Variants in CTNND2 observed in about 807,000 individuals in gnomAD.
CTNND2 encodes catenin delta-2.
In CTNND2, 22 loss-of-function variants were observed where a neutral mutation model predicts 144.4. The observed-to-expected ratio is 0.15, with a 90% CI of 0.11 to 0.22. The LOEUF is 0.22. Among genes scored for constraint, CTNND2 ranks in the 10% least tolerant of loss-of-function variants. The probability of loss-of-function intolerance (pLI) is 1.00; values close to 1 mark genes in which losing one functional copy is unlikely to be tolerated. For synonymous variants in CTNND2, 751 were observed against 695.6 expected (o/e 1.08, Z -1.25); for missense variants, 1,353 against 1,618.8 (o/e 0.84, Z 2.82).
At chr5:11,033,160 A>G (rs562521697) in intron 16 of CTNND2, among the ~76,000 whole-genome samples, 1 of 152,362 alleles carries the variant, frequency 6.6e-6, no homozygotes, top group African/African-American at 2.4e-5. Context: ...AAATATGCCA[A>G]TAAACATGTG....
At chr5:11,824,958 G>C (rs1793522631) in intron 1 of CTNND2, among the ~76,000 whole-genome samples, 1 of 151,536 alleles carries the variant, frequency 6.6e-6, no homozygotes, top group South Asian at 2.1e-4. Context: ...GTGAACTGAG[G>C]ATAATACTAG....
At chr5:11,531,519 A>G (rs944450452) in intron 3 of CTNND2, among the ~76,000 whole-genome samples, 1 of 152,112 alleles carries the variant, frequency 6.6e-6, no homozygotes, top group East Asian at 1.9e-4. Context: ...CCAGCTACCC[A>G]GGAGGCTGAG....
intron 9 of CTNND2, among the ~76,000 whole-genome samples, chr5:11,258,369 C>A (rs1744499248): frequency 6.6e-6 from 1 of 152,160 alleles, no homozygotes; most frequent in Non-Finnish European, 1.5e-5. Flanking sequence ...TCCATCTGGT[C>A]ATCTAAAAAT....
At chr5:11,606,603 C>A (rs541521098) in intron 2 of CTNND2, among the ~76,000 whole-genome samples, 5 of 152,262 alleles carry the variant, frequency 3.3e-5, no homozygotes, top group African/African-American at 1.2e-4. Context: ...ATTCATCCAG[C>A]TGGAGGTGAC....
intron 18 of CTNND2, among the ~76,000 whole-genome samples, chr5:11,001,288 C>G (rs1479845222): frequency 6.6e-6 from 1 of 152,146 alleles, no homozygotes; most frequent in Non-Finnish European, 1.5e-5. Context: ...ATTACTATTG[C>G]CAAATAAATT....
chr5:11,817,466 C>T (rs1412269097), intron 1 of CTNND2, among the ~76,000 whole-genome samples: 1 of 89,926 alleles, frequency 1.1e-5, no homozygotes, highest in African/African-American at 4.5e-5. Flanking sequence ...AGAGAGAGAA[C>T]TAGCGCTGGA....
intron 18 of CTNND2, among the ~76,000 whole-genome samples, chr5:10,998,793 A>G (rs956183482): frequency 5.3e-5 from 8 of 152,252 alleles, no homozygotes; most frequent in Non-Finnish European, 1.2e-4. Flanking sequence ...TTGTATTAAC[A>G]TTACATATTA....
intron 15 of CTNND2, among the ~76,000 whole-genome samples, chr5:11,087,695 CA>C (rs777457718): frequency 1.5e-5 from 1 of 65,870 alleles, no homozygotes; most frequent in Non-Finnish European, 3.7e-5. Context: ...AGAAATAAAT[CA>C]ATTTAATAAG....
chr5:11,176,866 G>T (rs1760528311), intron 11 of CTNND2, among the ~76,000 whole-genome samples: 1 of 152,060 alleles, frequency 6.6e-6, no homozygotes, highest in Non-Finnish European at 1.5e-5. Flanking sequence ...CTGCAGGAGG[G>T]ATTCATGGCA....
At chr5:11,795,996 T>C (rs1791379159) in intron 1 of CTNND2, among the ~76,000 whole-genome samples, 1 of 152,224 alleles carries the variant, frequency 6.6e-6, no homozygotes, top group Admixed American at 6.5e-5. Flanking sequence ...AGAGGCCACC[T>C]GTATTCCTTG....
At chr5:11,305,801 T>C (rs1750130358) in intron 9 of CTNND2, among the ~76,000 whole-genome samples, 1 of 152,208 alleles carries the variant, frequency 6.6e-6, no homozygotes, top group Admixed American at 6.5e-5. Flanking sequence ...GAACGTGTTC[T>C]TCTCGAGCGC....
intron 9 of CTNND2, among the ~76,000 whole-genome samples, chr5:11,291,080 C>T (rs541773109): frequency 9.9e-5 from 15 of 152,100 alleles, no homozygotes; most frequent in South Asian, 2.1e-4. Context: ...CAAGGAATTG[C>T]GGGTCTCCTG....
At chr5:11,793,162 G>A (rs1314348650) in intron 1 of CTNND2, among the ~76,000 whole-genome samples, 8 of 152,042 alleles carry the variant, frequency 5.3e-5, no homozygotes, top group Non-Finnish European at 1.0e-4. Flanking sequence ...TGGGGCTCCC[G>A]ACCCTTACTA....
chr5:11,209,793 G>A (rs1253386645), intron 10 of CTNND2, among the ~76,000 whole-genome samples: 1 of 152,010 alleles, frequency 6.6e-6, no homozygotes, highest in African/African-American at 2.4e-5. Flanking sequence ...ATGGTGGCAG[G>A]TGCCTGTAGT....
intron 9 of CTNND2, among the ~76,000 whole-genome samples, chr5:11,342,975 C>A (rs1754422300): frequency 6.6e-6 from 1 of 152,098 alleles, no homozygotes; most frequent in African/African-American, 2.4e-5. Context: ...CAAATAAAAT[C>A]TTCTTAGCAA....
chr5:11,025,937 C>T (rs1175770311), intron 16 of CTNND2, among the ~76,000 whole-genome samples: 1 of 152,110 alleles, frequency 6.6e-6, no homozygotes, highest in Admixed American at 6.6e-5. Context: ...GAAGTTAATT[C>T]CCTTTTTTTG....
intron 1 of CTNND2, among the ~76,000 whole-genome samples, chr5:11,899,721 C>A (rs1295143700): frequency 6.6e-6 from 1 of 152,188 alleles, no homozygotes; most frequent in Non-Finnish European, 1.5e-5. Flanking sequence ...CATGCTCTTA[C>A]TCACTTTATC....
intron 2 of CTNND2, among the ~76,000 whole-genome samples, chr5:11,586,553 C>T (rs1033614099): frequency 2.0e-5 from 3 of 152,192 alleles, no homozygotes; most frequent in Admixed American, 1.3e-4. Flanking sequence ...CCACACCATT[C>T]CAACTGGAAC....
At chr5:11,131,778 G>A (rs932619202) in intron 12 of CTNND2, among the ~76,000 whole-genome samples, 1 of 151,720 alleles carries the variant, frequency 6.6e-6, no homozygotes, top group African/African-American at 2.4e-5. Flanking sequence ...GATAGAGCGA[G>A]ACTGCGTCTC....
Sources: allele counts gnomAD v4.1 joint callset (sites outside exome capture counted in the v4.1 genomes callset), GRCh38; gene constraint gnomAD v4.1.1; transcripts MANE v1.5; gene names NCBI Gene and HGNC (gene_info 2026-07-23, HGNC 2026-07-21).